Variants in TNC observed in about 807,000 individuals in gnomAD.
The protein encoded by TNC is tenascin C, also known as tenascin.
Under a neutral mutation model 202.4 loss-of-function variants are expected in TNC, and 109 were observed. That is an observed-to-expected ratio of 0.54 (90% confidence interval 0.46 to 0.63). The LOEUF is 0.63. Ranked by LOEUF, TNC falls within the 30% of genes least tolerant of loss-of-function variation. TNC has a pLI of 0.00. For missense variants in TNC, 2,756 were observed against 2,833.3 expected, an observed-to-expected ratio of 0.97 and a Z score of 0.62; for synonymous variants, 1,007 against 1,089.7, an observed-to-expected ratio of 0.92 and a Z score of 1.50.
rs7038605 is a variant in TNC at position 115,091,051 on chromosome 9, G to A, written c.-33C>T. ...GTGGGTTTGGCTGGGTGCTGCTGGGGCTCTAGGGCTCTAGGGTATCTCACT... is the reference window on the plus strand; with the variant it reads ...GTGGGTTTGGCTGGGTGCTGCTGGGACTCTAGGGCTCTAGGGTATCTCACT... On this transcript the variant is annotated 5_prime_UTR_variant, in exon 2 of 28. Transcript: ENST00000350763. The A allele has an allele frequency of 4.2e-4, 652 of 1,538,088 alleles. 5 individuals carry two copies. The African/African-American group carries it at 8.0e-3, about 19-fold the overall frequency.
At chr9:115,067,786 T>C (rs1021493141) in intron 10 of TNC, among the ~76,000 whole-genome samples, 2 of 152,088 alleles carry the variant, frequency 1.3e-5, no homozygotes, top group Admixed American at 1.3e-4. Context: ...TAAATAGTAA[T>C]AGTGATGGTG....
At chr9:115,044,996 G>T (rs1407221451) in intron 17 of TNC, among the ~76,000 whole-genome samples, 3 of 152,202 alleles carry the variant, frequency 2.0e-5, no homozygotes, top group African/African-American at 7.2e-5. Context: ...ATATGCATTG[G>T]TTTTCTCTCA....
chr9:115,050,821 C>G (rs1387527835), intron 15 of TNC, among the ~76,000 whole-genome samples: 1 of 152,110 alleles, frequency 6.6e-6, no homozygotes, highest in Non-Finnish European at 1.5e-5. Flanking sequence ...ATCCTCTCTC[C>G]ATGCATAAGG....
At position 115,073,757 on chromosome 9, in the gene TNC, A is replaced by C. The variant is rs781166818; in HGVS notation, c.3060T>G (p.Ser1020Arg). Residue 1020 changes from serine (S) to arginine (R), a missense_variant, in exon 10 of 28, where the codon AGT becomes AGG. Physicochemically the swap from Ser to Arg is moderately radical, Grantham distance 110. Around this residue, in one of 2 missense-constraint regions of TNC, gnomAD observed 2,559 missense variants for 2,546.0 expected, o/e 1.01. Transcript: ENST00000350763. ...AKFDRYRLNY[S>R]LPTGQWVGVQ... ...CTCCCACCCACTGGCCTGTGGGGAG[A>C]CTGTAATTGAGGCGGTAGCGGTCAA... The C allele has an allele frequency of 5.6e-6, 9 of 1,613,860 alleles. No homozygotes were observed. The South Asian group carries it at 8.8e-5, about 16-fold the overall frequency.
At chr9:115,116,627 C>T (rs2134562371) in intron 1 of TNC, among the ~76,000 whole-genome samples, 1 of 152,320 alleles carries the variant, frequency 6.6e-6, no homozygotes, top group Non-Finnish European at 1.5e-5. Flanking sequence ...TCCTGCCCTC[C>T]CTCCGGACAG....
Position 115,086,975 on chromosome 9 carries a change from G to A in TNC, c.756C>T (p.Cys252=). Reference sequence around the variant, plus strand: ...CGTGCTCCTCACTGCAGGGCACTGGGCAGATTTCACGGCTGCAGTCAGCCC... The same window carrying A: ...CGTGCTCCTCACTGCAGGGCACTGGACAGATTTCACGGCTGCAGTCAGCCC... ...YAGADCSREI[C]PVPCSEEHGT... Residue 252 remains cysteine (C), a synonymous_variant, in exon 3 of 28, where the codon TGC becomes TGT. Transcript: ENST00000350763. 1 of 1,614,226 alleles carries A rather than the reference G, an allele frequency of 6.2e-7. No individual in the cohort carries two copies. Among genetic ancestry groups the A allele is most frequent in the South Asian group, 1.1e-5 (1 of 91,088 alleles).
In TNC at chr9:115,057,314, A is replaced by G. The variant is rs759153840; in HGVS notation, c.4418T>C (p.Ile1473Thr). Residue 1473 changes from isoleucine (I) to threonine (T), a missense_variant, in exon 15 of 28, where the codon ATT (isoleucine) becomes ACT (threonine). Ile to Thr is a moderately conservative substitution (Grantham distance 89, BLOSUM62 -1). Around this residue, in one of 2 missense-constraint regions of TNC, gnomAD observed 2,559 missense variants for 2,546.0 expected, o/e 1.01. Coordinates refer to ENST00000350763, the MANE Select transcript of TNC (RefSeq NM_002160.4). ...GIFETFTIEI[I>T]DSNRLLETVE... ...AGTCTCCAGCAACCTATTGGAATCA[A>G]TAATTTCAATGGTAAAGGTCTCGAA... The G allele has an allele frequency of 3.2e-5, 52 of 1,614,086 alleles. No individual in the cohort carries two copies. The highest frequency in any genetic ancestry group is 4.3e-5 in the Non-Finnish European group (51 of 1,180,034).
intron 2 of TNC, among the ~76,000 whole-genome samples, chr9:115,088,156 T>C (rs977160513): frequency 6.6e-6 from 1 of 152,210 alleles, no homozygotes; most frequent in African/African-American, 2.4e-5. Context: ...TTAGTTTTCT[T>C]ATACGTGAAG....
chr9:115,069,240 G>T (rs566725832), intron 10 of TNC, among the ~76,000 whole-genome samples: 57 of 152,306 alleles, frequency 3.7e-4, no homozygotes, highest in South Asian at 6.2e-4. Flanking sequence ...CTACTGGGTT[G>T]TCACTGTCAA....
Position 115,064,874 on chromosome 9 carries a change from C to A in TNC, c.3260G>T (p.Trp1087Leu). Reference sequence around the variant, plus strand: ...GGTCCAGTTGAGTCTGAGGCCATCCCAGCCAACCTCAGTCACGGTGAGGTT... The same window carrying A: ...GGTCCAGTTGAGTCTGAGGCCATCCAAGCCAACCTCAGTCACGGTGAGGTT... The part of the protein sequence containing the change: ...LENLTVTEVG[W>L]DGLRLNWTAA... Residue 1087 changes from tryptophan (W) to leucine (L), a missense_variant, in exon 11 of 28, where the codon TGG becomes TTG. Trp to Leu is a moderately conservative substitution (Grantham distance 61). Coordinates refer to ENST00000350763, the MANE Select transcript of TNC (RefSeq NM_002160.4). 2 of 1,614,190 alleles carry A rather than the reference C, an allele frequency of 1.2e-6. No individual in the cohort carries two copies. Among genetic ancestry groups the A allele is most frequent in the Non-Finnish European group, 1.7e-6 (2 of 1,180,036 alleles).
intron 26 of TNC, among the ~76,000 whole-genome samples, chr9:115,026,002 G>A (rs978843834): frequency 9.2e-5 from 14 of 152,176 alleles, no homozygotes; most frequent in African/African-American, 3.1e-4. Flanking sequence ...AAGCAGCTAG[G>A]TGATGGAGTG....
At chr9:115,049,677 AT>A (rs34181707) in intron 15 of TNC, among the ~76,000 whole-genome samples, 92,006 of 146,410 alleles carry the variant, frequency 0.63, 28,890 homozygotes, top group African/African-American at 0.71. Flanking sequence ...TGGTAAATGC[AT>A]TTTTTTTTTT....
In TNC at chr9:115,087,135, C is replaced by G; in HGVS notation, c.596G>C (p.Arg199Pro). Residue 199 changes from arginine to proline, a missense_variant, in exon 3 of 28, where the codon CGG becomes CCG. Arg to Pro is a moderately radical substitution (Grantham distance 103). Around this residue, in one of 2 missense-constraint regions of TNC, gnomAD observed 2,559 missense variants for 2,546.0 expected, o/e 1.01. Transcript: ENST00000350763. ...ACAGATGCACTGCCCATCAATGCAC[C>G]GGCCTCGAAGGTGACAGTTGCCTGG... ...ECPGNCHLRGRCIDGQCICDD... is the reference protein window; with the variant it reads ...ECPGNCHLRGPCIDGQCICDD... The G allele has an allele frequency of 6.2e-7, 1 of 1,614,244 alleles. No homozygotes were observed. The highest frequency in any genetic ancestry group is 8.5e-7 in the Non-Finnish European group (1 of 1,180,056).
intron 20 of TNC, among the ~76,000 whole-genome samples, chr9:115,037,653 G>A (rs1358815352): frequency 2.0e-5 from 3 of 152,036 alleles, no homozygotes; most frequent in Admixed American, 6.6e-5. Context: ...TCAGCCTGCC[G>A]AGTAGCTGGG....
intron 1 of TNC, among the ~76,000 whole-genome samples, chr9:115,104,599 G>T (rs771644080): frequency 6.6e-6 from 1 of 152,130 alleles, no homozygotes; most frequent in Non-Finnish European, 1.5e-5. Flanking sequence ...ATCTCTCCAG[G>T]GTTGTTTGAG....
chr9:115,048,957 T>G (rs934883784), intron 15 of TNC, among the ~76,000 whole-genome samples: 8 of 152,078 alleles, frequency 5.3e-5, no homozygotes, highest in Admixed American at 1.3e-4. Flanking sequence ...CGAGTATAAT[T>G]TCTTTCCGGT....
In TNC at chr9:115,028,924, G is replaced by GAA. The variant is rs57737243; in HGVS notation, c.6169+434_6169+435dup. On this transcript the variant is annotated intron_variant, in intron 25 of 27. Transcript: ENST00000350763. Reference sequence around the variant, plus strand: ...TACTAAAGCTCTCAACATTATCTCTGAAAAAAAAAAAAAAAAAAAAAAAAA... The same window carrying GAA: ...TACTAAAGCTCTCAACATTATCTCTGAAAAAAAAAAAAAAAAAAAAAAAAAAA... Among the ~76,000 whole-genome samples, 84 of 63,962 alleles carry GAA rather than the reference G, an allele frequency of 1.3e-3. 7 individuals are homozygous for GAA. The highest frequency in any genetic ancestry group is 1.5e-3 in the Non-Finnish European group (58 of 38,038). The allele number at this position is 63,962 out of a possible 152,430, so 42.0% of individuals were successfully genotyped here. A position where few individuals can be genotyped will look rare whatever the true frequency, so the allele number is the denominator to read the frequency against.
In TNC at chr9:115,035,405, A is replaced by G. The variant is rs1019658834; in HGVS notation, c.5657-71T>C. ...AGGGCAGAAATTCGGGCTGGGTATCAAGAAGACTGGGTTCAAGTCCTTTCC... is the reference window on the plus strand; with the variant it reads ...AGGGCAGAAATTCGGGCTGGGTATCGAGAAGACTGGGTTCAAGTCCTTTCC... On this transcript the variant is annotated intron_variant, in intron 21 of 27. Coordinates refer to ENST00000350763, the MANE Select transcript of TNC (RefSeq NM_002160.4). The G allele has an allele frequency of 2.4e-5, 36 of 1,523,290 alleles. No individual in the cohort carries two copies. In the East Asian group the frequency reaches 8.1e-4, roughly 34 times the overall value. The allele number at this position is 1,523,290 out of a possible 1,614,324, so 94.4% of individuals were successfully genotyped here.
chr9:115,089,441 T>G (rs989435641), intron 2 of TNC, among the ~76,000 whole-genome samples: 18 of 152,156 alleles, frequency 1.2e-4, no homozygotes, highest in African/African-American at 4.1e-4. Flanking sequence ...TGGGAGAGTA[T>G]GAGCTCTGGA....
Sources: gnomAD v4.1 joint callset for allele counts (sites outside exome capture counted in the v4.1 genomes callset) on GRCh38, gnomAD v4.1.1 for gene constraint, gnomAD v4.1.1 regional missense constraint, MANE v1.5 for transcripts, NCBI Gene and HGNC (gene_info 2026-07-23, HGNC 2026-07-21) for gene names.